The following GABPB1 variants were observed in gnomAD, a reference collection of about 807,000 sequenced individuals.
The protein encoded by GABPB1 is GA-binding protein subunit beta-1.
Under a neutral mutation model 45.9 loss-of-function variants are expected in GABPB1, and 15 were observed. That is an observed-to-expected ratio of 0.33 (90% CI 0.22 to 0.50). The LOEUF (loss-of-function observed/expected upper bound fraction) is 0.50, where lower values mean the gene tolerates loss of function less well. GABPB1 is among the 20% of genes least tolerant of loss of function. GABPB1 has a pLI of 0.98. For synonymous variants in GABPB1, 143 were observed against 154.4 expected, an observed-to-expected ratio of 0.93 and a Z score of 0.55; for missense variants, 252 against 457.5, an observed-to-expected ratio of 0.55 and a Z score of 4.10.
intron 1 of GABPB1, among the ~76,000 whole-genome samples, chr15:50,341,396 G>A (rs1415916014): frequency 6.6e-6 from 1 of 152,138 alleles, no homozygotes; most frequent in Non-Finnish European, 1.5e-5. Flanking sequence ...GCCAGGCATG[G>A]CGGTGCATGC....
intron 1 of GABPB1, among the ~76,000 whole-genome samples, chr15:50,340,872 CCATATGTAATATTACATATTACATAT>C: frequency 1.4e-5 from 1 of 71,338 alleles, no homozygotes; most frequent in South Asian, 4.4e-4. Context: ...TGGTTTATTA[CCATATGTAATATTACATATTACATAT>C]GGTTTATTAC....
chr15:50,343,285 T>A (rs1398130036), intron 1 of GABPB1, among the ~76,000 whole-genome samples: 1 of 152,024 alleles, frequency 6.6e-6, no homozygotes, highest in Non-Finnish European at 1.5e-5. Flanking sequence ...TCTCAGCTCA[T>A]CTATCAATCT....
chr15:50,289,099 T>C (rs1268654845), intron 7 of GABPB1, among the ~76,000 whole-genome samples: 1 of 152,202 alleles, frequency 6.6e-6, no homozygotes, highest in Non-Finnish European at 1.5e-5. Context: ...CACATGGTAA[T>C]TGAATTGCAT....
intron 1 of GABPB1, among the ~76,000 whole-genome samples, chr15:50,339,403 G>A (rs2048266540): frequency 6.6e-6 from 1 of 151,980 alleles, no homozygotes; most frequent in South Asian, 2.1e-4. Flanking sequence ...GTAGGCTGAG[G>A]CGGGAGAATC....
At chr15:50,284,063 A>T (rs1001051237) in intron 8 of GABPB1, among the ~76,000 whole-genome samples, 6 of 152,104 alleles carry the variant, frequency 3.9e-5, no homozygotes, top group African/African-American at 1.4e-4. Context: ...ACAACCAAAT[A>T]TATCTCCTGA....
chr15:50,311,324 T>A (rs1311603690), intron 1 of GABPB1, among the ~76,000 whole-genome samples: 1 of 152,156 alleles, frequency 6.6e-6, no homozygotes, highest in African/African-American at 2.4e-5. Context: ...AGGGAATATA[T>A]GGAATCCCTG....
intron 8 of GABPB1, among the ~76,000 whole-genome samples, chr15:50,284,416 C>A (rs1273897648): frequency 6.6e-6 from 1 of 152,128 alleles, no homozygotes; most frequent in Non-Finnish European, 1.5e-5. Flanking sequence ...ACAAAGCAAG[C>A]AAACAAAAAT....
At chr15:50,344,038 T>C (rs778947369) in intron 1 of GABPB1, among the ~76,000 whole-genome samples, 12 of 152,228 alleles carry the variant, frequency 7.9e-5, no homozygotes, top group Non-Finnish European at 1.8e-4. Context: ...AAAACGGGAC[T>C]TTGTCTTCTC....
intron 1 of GABPB1, among the ~76,000 whole-genome samples, chr15:50,344,415 T>C (rs908182086): frequency 1.3e-5 from 2 of 152,314 alleles, no homozygotes; most frequent in South Asian, 4.1e-4. Flanking sequence ...CAGGCTTATA[T>C]GTTTAGCAAT....
chr15:50,288,723 C>G (rs1329608029), intron 7 of GABPB1, among the ~76,000 whole-genome samples: 1 of 152,134 alleles, frequency 6.6e-6, no homozygotes, highest in African/African-American at 2.4e-5. Flanking sequence ...TTTGTTTCAT[C>G]TTGTTAGCCT....
chr15:50,327,098 A>G lies in GABPB1; in HGVS notation c.1-17300T>C, dbSNP rs1485409461. 2.0e-5 allele frequency: 3 copies of G among 152,184 alleles called. No homozygotes were observed. In the East Asian group the frequency reaches 5.8e-4, roughly 29 times the overall value. 9.4% of individuals were successfully genotyped at this position (152,184 alleles called of 1,614,324 possible). On this transcript the variant is annotated intron_variant, in intron 1 of 8. Transcript: ENST00000380877. ...CCCAGGAAAAAAATGGAGGCTTGAAAAGAGTGCAAGTAGAAGATAAAGAAA... is the reference window on the plus strand; with the variant it reads ...CCCAGGAAAAAAATGGAGGCTTGAAGAGAGTGCAAGTAGAAGATAAAGAAA...
At chr15:50,325,298 T>C (rs1379840036) in intron 1 of GABPB1, among the ~76,000 whole-genome samples, 1 of 121,496 alleles carries the variant, frequency 8.2e-6, no homozygotes, top group Non-Finnish European at 1.9e-5. Context: ...CAATATGATG[T>C]TATGCCAAAA....
chr15:50,335,617 G>T (rs1009726388), intron 1 of GABPB1, among the ~76,000 whole-genome samples: 2 of 151,980 alleles, frequency 1.3e-5, no homozygotes, highest in East Asian at 3.9e-4. Flanking sequence ...AAGACTGGTC[G>T]GCCGGGTGCA....
chr15:50,337,561 C>T lies in GABPB1; in HGVS notation c.-1+17424G>A, dbSNP rs151147093. On this transcript the variant is annotated intron_variant, in intron 1 of 8. Coordinates refer to ENST00000380877, the MANE Select transcript of GABPB1 (RefSeq NM_016654.5). Reference sequence around the variant, plus strand: ...AGCAGATCACTTGAGCTCAGGAGTTCAAGACCAGCCTGGACAACATGAAGG... The same window carrying T: ...AGCAGATCACTTGAGCTCAGGAGTTTAAGACCAGCCTGGACAACATGAAGG... Among the ~76,000 whole-genome samples, 251 of 151,952 alleles carry T rather than the reference C, an allele frequency of 1.7e-3. 2 individuals are homozygous for T. The highest frequency in any genetic ancestry group is 5.9e-3 in the African/African-American group (246 of 41,436).
chr15:50,334,632 G>C (rs8042451), intron 1 of GABPB1, among the ~76,000 whole-genome samples: 98,430 of 150,508 alleles, frequency 0.65, 33,417 homozygotes, highest in African/African-American at 0.83. Context: ...ATCAGCCTCC[G>C]GAGTAGCTGG....
intron 1 of GABPB1, among the ~76,000 whole-genome samples, chr15:50,348,558 T>C (rs1220079046): frequency 6.6e-6 from 1 of 151,798 alleles, no homozygotes; most frequent in African/African-American, 2.4e-5. Context: ...GCCATTTTTT[T>C]TTTTTTAAAC....
In GABPB1 at chr15:50,335,709, C is replaced by T. The variant is rs548192135; in HGVS notation, c.-1+19276G>A. The stretch of plus-strand genomic sequence containing the variant: ...GTCAGGAGTTCAAGATCAGCCTGGC[C>T]AACATGGTGAAACCCCATCTCTATT... On this transcript the variant is annotated intron_variant, in intron 1 of 8. Coordinates refer to ENST00000380877, the MANE Select transcript of GABPB1 (RefSeq NM_016654.5). 2.0e-5 allele frequency among the ~76,000 whole-genome samples: 3 copies of T among 151,678 alleles called. No individual in the cohort carries two copies. In the East Asian group the frequency reaches 5.9e-4, roughly 30 times the overall value.
intron 6 of GABPB1, among the ~76,000 whole-genome samples, chr15:50,292,395 T>A (rs1158292662): frequency 6.6e-6 from 1 of 151,216 alleles, no homozygotes; most frequent in Non-Finnish European, 1.5e-5. Flanking sequence ...CGGTAGTGGG[T>A]GCTAAAAGCA....
At chr15:50,289,435 A>C in intron 7 of GABPB1, 48 bp downstream of exon 7, 1 of 1,135,220 alleles carries the variant, frequency 8.8e-7, no homozygotes, top group East Asian at 2.6e-5. Flanking sequence ...GAAAATAAAA[A>C]TTAAAAAAAA....
Sources: allele counts gnomAD v4.1 joint callset (sites outside exome capture counted in the v4.1 genomes callset), GRCh38; gene constraint gnomAD v4.1.1; transcripts MANE v1.5; gene names NCBI Gene and HGNC (gene_info 2026-07-23, HGNC 2026-07-21).